Variants in GSK3B observed in about 807,000 individuals in gnomAD.
GSK3B encodes glycogen synthase kinase 3 beta.
Under a neutral mutation model 56.4 loss-of-function variants are expected in GSK3B, and 15 were observed. The observed-to-expected ratio is 0.27, with a 90% CI of 0.18 to 0.41. The LOEUF (loss-of-function observed/expected upper bound fraction) is 0.41, where lower values mean the gene tolerates loss of function less well. Ranked by LOEUF, GSK3B falls within the 10% of genes least tolerant of loss-of-function variation. The pLI, the probability that GSK3B is intolerant of heterozygous loss-of-function variation, is 1.00. For missense variants in GSK3B, 300 were observed against 513.4 expected, an observed-to-expected ratio of 0.58 and a Z score of 4.02; for synonymous variants, 181 against 188.9, an observed-to-expected ratio of 0.96 and a Z score of 0.34.
chr3:119,967,866 CCTT>C (rs2057333769), intron 2 of GSK3B, among the ~76,000 whole-genome samples: 1 of 129,714 alleles, frequency 7.7e-6, no homozygotes, highest in South Asian at 2.5e-4. Context: ...CTCTCTCTCT[CCTT>C]TCTTTCTTGA....
rs71156775 is a variant in GSK3B, at chr3:119,822,243, TTA to T, written c.*4543_*4544del. On this transcript the variant is annotated 3_prime_UTR_variant, in exon 11 of 11. Coordinates refer to ENST00000264235, the MANE Select transcript of GSK3B (RefSeq NM_001146156.2). ...TAGTTTGTATACAACCCACAGTCCT[TTA>T]TATATATATATATATATATATAATA... 0.041 allele frequency: 6,496 copies of T among 157,454 alleles called. 287 individuals carry two copies. The highest frequency in any genetic ancestry group is 0.13 in the African/African-American group (5,001 of 39,572). The allele number at this position is 157,454 out of a possible 1,614,324, so 9.8% of individuals were successfully genotyped here. A position where few individuals can be genotyped will look rare whatever the true frequency, so the allele number is the denominator to read the frequency against.
chr3:120,045,193 T>TA (rs1368101207), intron 1 of GSK3B, among the ~76,000 whole-genome samples: 1 of 152,212 alleles, frequency 6.6e-6, no homozygotes, highest in Non-Finnish European at 1.5e-5. Context: ...CCAGACATGT[T>TA]AAAAAGGTTT....
At chr3:119,903,295 T>C (rs2056643637) in intron 7 of GSK3B, among the ~76,000 whole-genome samples, 1 of 152,184 alleles carries the variant, frequency 6.6e-6, no homozygotes, top group South Asian at 2.1e-4. Context: ...TGGAAATACT[T>C]ACAGTTCTCT....
At chr3:120,016,406 T>C (rs942301944) in intron 1 of GSK3B, among the ~76,000 whole-genome samples, 7 of 152,158 alleles carry the variant, frequency 4.6e-5, no homozygotes, top group Non-Finnish European at 7.4e-5. Context: ...TGGGAAAATT[T>C]ACGGTGTTCA....
At chr3:120,019,375 G>T (rs2057854001) in intron 1 of GSK3B, among the ~76,000 whole-genome samples, 1 of 152,110 alleles carries the variant, frequency 6.6e-6, no homozygotes, top group Non-Finnish European at 1.5e-5. Flanking sequence ...CATAAGGATT[G>T]CTAACCCAAA....
chr3:119,941,639 CAT>C (rs1483333366), intron 3 of GSK3B, among the ~76,000 whole-genome samples: 3 of 152,006 alleles, frequency 2.0e-5, no homozygotes, highest in African/African-American at 7.2e-5. Context: ...CAATGTTTGA[CAT>C]ATAAAAAGCG....
At chr3:120,032,064 G>A (rs1267548662) in intron 1 of GSK3B, among the ~76,000 whole-genome samples, 1 of 152,098 alleles carries the variant, frequency 6.6e-6, no homozygotes, top group South Asian at 2.1e-4. Flanking sequence ...ATGCATAACA[G>A]ATTTTAAGGC....
chr3:119,989,571 G>A (rs922040619), intron 2 of GSK3B, among the ~76,000 whole-genome samples: 9 of 151,772 alleles, frequency 5.9e-5, no homozygotes, highest in Non-Finnish European at 1.2e-4. Flanking sequence ...CTTGAACCTG[G>A]GAGTTGGAGG....
intron 7 of GSK3B, among the ~76,000 whole-genome samples, chr3:119,904,951 A>G (rs1187274382): frequency 6.7e-6 from 1 of 149,192 alleles, no homozygotes; most frequent in Non-Finnish European, 1.5e-5. Context: ...ATAAATCTAG[A>G]CACTAGGTTT....
chr3:120,054,325 G>A (rs1368628015), intron 1 of GSK3B, among the ~76,000 whole-genome samples: 8 of 151,974 alleles, frequency 5.3e-5, no homozygotes, highest in Non-Finnish European at 1.0e-4. Flanking sequence ...CTTTTCAAAC[G>A]GTAGTCAATA....
chr3:120,011,730 C>T (rs1559875644), intron 1 of GSK3B, among the ~76,000 whole-genome samples: 2 of 152,150 alleles, frequency 1.3e-5, no homozygotes, highest in Non-Finnish European at 2.9e-5. Flanking sequence ...CAGCAACTAG[C>T]GTGCCAAGGA....
chr3:119,854,274 T>G (rs2108023069), intron 9 of GSK3B, among the ~76,000 whole-genome samples: 1 of 152,338 alleles, frequency 6.6e-6, no homozygotes, highest in Non-Finnish European at 1.5e-5. Context: ...GAAGCCCACC[T>G]GATTGTGGTG....
chr3:119,859,047 G>T (rs868361502), intron 9 of GSK3B, among the ~76,000 whole-genome samples: 1 of 152,012 alleles, frequency 6.6e-6, no homozygotes, highest in Non-Finnish European at 1.5e-5. Flanking sequence ...TCTAAATATT[G>T]CAAGAATTAC....
intron 8 of GSK3B, among the ~76,000 whole-genome samples, chr3:119,871,206 A>G (rs1045845502): frequency 1.3e-5 from 2 of 152,246 alleles, no homozygotes; most frequent in Non-Finnish European, 2.9e-5. Flanking sequence ...ATTCCTTTGA[A>G]AGCTGAAATG....
chr3:119,928,621 A>T (rs949068562), intron 3 of GSK3B, among the ~76,000 whole-genome samples: 46 of 150,510 alleles, frequency 3.1e-4, no homozygotes, highest in East Asian at 9.7e-4. Context: ...ATAAAAAAAA[A>T]AAAAAAAAAA....
At position 119,826,273 on chromosome 3, in the gene GSK3B, T is replaced by C. The variant is rs911727101; in HGVS notation, c.*515A>G. 2 of 283,756 alleles carry C rather than the reference T, an allele frequency of 7.0e-6. No homozygotes were observed. The highest frequency in any genetic ancestry group is 6.7e-6 in the Non-Finnish European group (1 of 149,022). The allele number at this position is 283,756 out of a possible 1,614,324, so 17.6% of individuals were successfully genotyped here. ...GCAAGTCTATAAATACCCGAAGATA[T>C]GGATTAATTTTACAAGTGACATTTA... On this transcript the variant is annotated 3_prime_UTR_variant, in exon 11 of 11. Coordinates refer to ENST00000264235, the MANE Select transcript of GSK3B (RefSeq NM_001146156.2).
At chr3:119,928,169 G>GGA (rs1165363490) in intron 3 of GSK3B, among the ~76,000 whole-genome samples, 3 of 152,214 alleles carry the variant, frequency 2.0e-5, no homozygotes, top group Non-Finnish European at 2.9e-5. Flanking sequence ...GATGAAGTAA[G>GGA]GAGAGAACTG....
chr3:120,067,442 C>A (rs1158492688), intron 1 of GSK3B, among the ~76,000 whole-genome samples: 1 of 152,154 alleles, frequency 6.6e-6, no homozygotes, highest in Non-Finnish European at 1.5e-5. Flanking sequence ...CATGATCCAA[C>A]ACTTAATTTA....
chr3:120,045,423 C>T (rs2058094977), intron 1 of GSK3B, among the ~76,000 whole-genome samples: 1 of 152,142 alleles, frequency 6.6e-6, no homozygotes, highest in Admixed American at 6.5e-5. Context: ...ACCCATTCCA[C>T]CTTTTTGAAA....
Sources: allele counts gnomAD v4.1 joint callset (sites outside exome capture counted in the v4.1 genomes callset), GRCh38; gene constraint gnomAD v4.1.1; transcripts MANE v1.5; gene names NCBI Gene and HGNC (gene_info 2026-07-23, HGNC 2026-07-21).